MYRIP: variants seen among roughly 807,000 people sequenced by gnomAD.
MYRIP encodes the protein myosin VIIA and Rab interacting protein.
In MYRIP, 49 loss-of-function variants were observed where a neutral mutation model predicts 98.0. The observed-to-expected ratio is 0.50, with a 90% CI of 0.40 to 0.63. The LOEUF is 0.63. Ranked by LOEUF, MYRIP falls within the 30% of genes least tolerant of loss-of-function variation. MYRIP has a pLI of 0.00. For synonymous variants in MYRIP, 404 were observed against 409.5 expected (o/e 0.99, Z 0.16); for missense variants, 1,004 against 1,058.2 (o/e 0.95, Z 0.71).
At chr3:39,881,159 A>C (rs555076606) in intron 1 of MYRIP, among the ~76,000 whole-genome samples, 2 of 152,056 alleles carry the variant, frequency 1.3e-5, no homozygotes, top group Non-Finnish European at 2.9e-5. Context: ...ATCTTCTGAC[A>C]TACCTAGATA....
At chr3:40,145,030 C>G (rs1949981358) in intron 3 of MYRIP, among the ~76,000 whole-genome samples, 1 of 152,074 alleles carries the variant, frequency 6.6e-6, no homozygotes, top group Non-Finnish European at 1.5e-5. Flanking sequence ...ATGCCAGGCG[C>G]CTTATTATTT....
chr3:39,918,080 C>T (rs889172182), intron 2 of MYRIP, among the ~76,000 whole-genome samples: 2 of 152,122 alleles, frequency 1.3e-5, no homozygotes, highest in Non-Finnish European at 2.9e-5. Flanking sequence ...GCGCCCGCCA[C>T]CACGCCCAGC....
intron 3 of MYRIP, among the ~76,000 whole-genome samples, chr3:40,069,298 G>A (rs1317080650): frequency 6.6e-6 from 1 of 151,710 alleles, no homozygotes; most frequent in East Asian, 1.9e-4. Flanking sequence ...TATTTACTAT[G>A]ACTCTTCAGG....
intron 3 of MYRIP, among the ~76,000 whole-genome samples, chr3:40,058,108 G>A (rs1173117264): frequency 6.6e-6 from 1 of 152,154 alleles, no homozygotes; most frequent in Non-Finnish European, 1.5e-5. Flanking sequence ...TTTTCTCAAT[G>A]TGTAGTACTT....
At chr3:39,957,090 T>C (rs538856646) in intron 2 of MYRIP, among the ~76,000 whole-genome samples, 9 of 151,970 alleles carry the variant, frequency 5.9e-5, no homozygotes, top group African/African-American at 1.7e-4. Context: ...AGCCGAATTC[T>C]ACCAGAGGTA....
intron 11 of MYRIP, among the ~76,000 whole-genome samples, chr3:40,218,626 A>ATTT (rs1553629258): frequency 4.1e-4 from 6 of 14,804 alleles, no homozygotes; most frequent in African/African-American, 5.4e-4. Flanking sequence ...ATATATATAT[A>ATTT]TATATATATA....
chr3:39,904,233 C>G lies in MYRIP; in HGVS notation c.110+3307C>G, dbSNP rs368309918. On this transcript the variant is annotated intron_variant, in intron 2 of 16. Transcript: ENST00000302541. ...TAAAAATTCATAGCTAAGTGTTTTT[C>G]TTTGTTTGTTGTTTGTTTGTTTGTT... Among the ~76,000 whole-genome samples, 11 of 152,032 alleles carry G rather than the reference C, an allele frequency of 7.2e-5. 1 individual carries two copies. Among genetic ancestry groups the G allele is most frequent in the African/African-American group, 2.4e-4 (10 of 41,500 alleles).
At chr3:40,000,931 G>A (rs7611618) in intron 2 of MYRIP, among the ~76,000 whole-genome samples, 97 of 152,240 alleles carry the variant, frequency 6.4e-4, no homozygotes, top group African/African-American at 2.2e-3. Flanking sequence ...GAATACCTGG[G>A]AAAACATGTT....
rs868133066 is a variant in MYRIP at position 39,967,905 on chromosome 3, G to A, written c.110+66979G>A. Among the ~76,000 whole-genome samples the A allele has an allele frequency of 4.7e-4, 71 of 152,150 alleles. 1 individual carries two copies. The highest frequency in any genetic ancestry group is 3.4e-3 in the Middle Eastern group (1 of 294). On this transcript the variant is annotated intron_variant, in intron 2 of 16. Transcript: ENST00000302541. ...CTTCTTTTGAAAGGTGTCTTTTCAT[G>A]TCCTCTGCCCACTTTTTAATGGGGT...
chr3:39,811,115 C>T (rs897966021), intron 1 of MYRIP, among the ~76,000 whole-genome samples: 1 of 152,166 alleles, frequency 6.6e-6, no homozygotes, highest in Non-Finnish European at 1.5e-5. Context: ...GTGGGCGCTT[C>T]TCAGAGCTCT....
chr3:39,973,366 T>C (rs1458982860), intron 2 of MYRIP, among the ~76,000 whole-genome samples: 1 of 152,050 alleles, frequency 6.6e-6, no homozygotes, highest in South Asian at 2.1e-4. Context: ...CCTAAATATA[T>C]ATGCACCCAA....
Position 40,026,902 on chromosome 3 carries a change from T to C in MYRIP, c.111-17148T>C, listed in dbSNP as rs1451350952. Among the ~76,000 whole-genome samples, 4 of 152,256 alleles carry C rather than the reference T, an allele frequency of 2.6e-5. No individual in the cohort carries two copies. In the East Asian group the frequency reaches 7.7e-4, roughly 29 times the overall value. On this transcript the variant is annotated intron_variant, in intron 2 of 16. Coordinates refer to ENST00000302541, the MANE Select transcript of MYRIP (RefSeq NM_015460.4). The stretch of plus-strand genomic sequence containing the variant: ...TTCAGCCTTTTTCCCTGAGCTTAAA[T>C]GTTTGGGGTTTTCTTGGCTTGTTCT...
At chr3:40,149,234 T>A (rs1575576778) in intron 3 of MYRIP, among the ~76,000 whole-genome samples, 1 of 152,290 alleles carries the variant, frequency 6.6e-6, no homozygotes, top group East Asian at 1.9e-4. Flanking sequence ...AGCCTGTGTG[T>A]CACATGGTGA....
Position 40,044,090 on chromosome 3 carries a change from A to C in MYRIP, c.151A>C (p.Ser51Arg). 6.2e-7 allele frequency: 1 copy of C among 1,614,122 alleles called. No homozygotes were observed. The highest frequency in any genetic ancestry group is 1.6e-4 in the Middle Eastern group (1 of 6,062). The part of the protein sequence containing the change: ...QKLDEEGSKC[S>R]ILSKHQQFVE... The stretch of plus-strand genomic sequence containing the variant: ...GCTGGATGAGGAAGGCAGCAAGTGC[A>C]GCATCCTCTCGAAGCACCAGCAGTT... The change falls in exon 3 of 17, where the codon AGC becomes CGC. Residue 51 changes from serine to arginine, a missense_variant. Physicochemically the swap from Ser to Arg is moderately radical, Grantham distance 110 (BLOSUM62 -1). Transcript: ENST00000302541.
At chr3:39,895,153 T>C (rs188847784) in intron 1 of MYRIP, among the ~76,000 whole-genome samples, 2 of 152,264 alleles carry the variant, frequency 1.3e-5, no homozygotes, top group Admixed American at 1.3e-4. Context: ...GATAATTATC[T>C]TTCCTGGTTT....
chr3:39,814,385 A>G (rs937240904), intron 1 of MYRIP, among the ~76,000 whole-genome samples: 4 of 152,066 alleles, frequency 2.6e-5, no homozygotes, highest in African/African-American at 9.7e-5. Context: ...GTTTTAATAT[A>G]GTTTTTCAAT....
chr3:40,035,448 AC>A (rs1428256388), intron 2 of MYRIP, among the ~76,000 whole-genome samples: 1 of 152,022 alleles, frequency 6.6e-6, no homozygotes, highest in Non-Finnish European at 1.5e-5. Flanking sequence ...AGCAGTCTTG[AC>A]TGGAGATTAT....
intron 2 of MYRIP, among the ~76,000 whole-genome samples, chr3:39,918,645 C>A (rs6785143): frequency 0.023 from 3,433 of 152,248 alleles, 130 homozygotes; most frequent in African/African-American, 0.077. Context: ...AAATGGCATA[C>A]AAATTTATTA....
intron 1 of MYRIP, among the ~76,000 whole-genome samples, chr3:39,894,369 CTTTATACAAT>C (rs1943555139): frequency 6.6e-6 from 1 of 152,162 alleles, no homozygotes; most frequent in Non-Finnish European, 1.5e-5. Flanking sequence ...TGATTTTGAA[CTTTATACAAT>C]TGGGATCATC....
Sources: allele counts gnomAD v4.1 joint callset (sites outside exome capture counted in the v4.1 genomes callset), GRCh38; gene constraint gnomAD v4.1.1; transcripts MANE v1.5; gene names NCBI Gene and HGNC (gene_info 2026-07-23, HGNC 2026-07-21).